STK3: variants seen among roughly 807,000 people sequenced by gnomAD.
STK3 encodes the protein serine/threonine kinase 3, also known as serine/threonine-protein kinase 3.
Under a neutral mutation model 58.0 loss-of-function variants are expected in STK3, and 41 were observed. The ratio of observed to expected loss-of-function variants is 0.71; its 90% CI spans 0.55 to 0.92. The LOEUF (loss-of-function observed/expected upper bound fraction) is 0.92. Ranked by LOEUF, STK3 falls within the 40% of genes least tolerant of loss-of-function variation. The pLI is 0.00. For missense variants in STK3, 479 were observed against 602.7 expected, an observed-to-expected ratio of 0.79 and a Z score of 2.15; for synonymous variants, 170 against 191.0, an observed-to-expected ratio of 0.89 and a Z score of 0.91.
intron 3 of STK3, among the ~76,000 whole-genome samples, chr8:98,421,696 A>T (rs796256012): frequency 1.3e-5 from 2 of 152,202 alleles, no homozygotes; most frequent in African/African-American, 4.8e-5. Context: ...GAATTGCTTG[A>T]ACCCGGGAGG....
chr8:98,581,841 T>C (rs1016614530), intron 7 of STK3, among the ~76,000 whole-genome samples: 3 of 151,998 alleles, frequency 2.0e-5, no homozygotes, highest in Non-Finnish European at 4.4e-5. Flanking sequence ...AGAGTCTTTT[T>C]ATGCTTGTTT....
chr8:98,820,152 T>C (rs1834795598), intron 1 of STK3, among the ~76,000 whole-genome samples: 1 of 152,218 alleles, frequency 6.6e-6, no homozygotes, highest in Non-Finnish European at 1.5e-5. Context: ...ATGAAATTAG[T>C]GTTTTCTAGC....
chr8:98,665,396 TTTTG>T (rs771786840), intron 6 of STK3, among the ~76,000 whole-genome samples: 11 of 152,206 alleles, frequency 7.2e-5, no homozygotes, highest in East Asian at 3.9e-4. Flanking sequence ...CAAGGTTTCT[TTTTG>T]TTTGTTTGTT....
rs115545943 is a variant in STK3, at chr8:98,863,227, G to A, written c.110+20420C>T. 1.2e-3 allele frequency among the ~76,000 whole-genome samples: 187 copies of A among 152,306 alleles called. 1 individual carries two copies. The highest frequency in any genetic ancestry group is 4.2e-3 in the African/African-American group (176 of 41,570). On this transcript the variant is annotated intron_variant, in intron 3 of 12. Transcript: ENST00000523601. ...CAGCTCTTGTCTTTGTGAAAATAGT[G>A]AGACTGGTGTTATCATTGATAAGAG...
At chr8:98,795,101 A>T (rs1159195339) in intron 1 of STK3, among the ~76,000 whole-genome samples, 2 of 42,488 alleles carry the variant, frequency 4.7e-5, no homozygotes, top group African/African-American at 1.8e-4. Context: ...AAAAAAAAAA[A>T]AAATATATAT....
chr8:98,527,979 T>A (rs1011431258), intron 9 of STK3, among the ~76,000 whole-genome samples: 3 of 152,224 alleles, frequency 2.0e-5, no homozygotes, highest in African/African-American at 7.2e-5. Flanking sequence ...CCTTATTTAC[T>A]CAATCCCCAA....
At chr8:98,860,556 G>A (rs180979238) in intron 3 of STK3, among the ~76,000 whole-genome samples, 19 of 152,278 alleles carry the variant, frequency 1.2e-4, no homozygotes, top group Non-Finnish European at 2.2e-4. Flanking sequence ...AACCCTCATA[G>A]CCCAACAGAA....
In STK3 at chr8:98,707,188, G is replaced by T; in HGVS notation, c.475C>A (p.His159Asn). 1 of 1,608,598 alleles carries T rather than the reference G, an allele frequency of 6.2e-7. No homozygotes were observed. The highest frequency in any genetic ancestry group is 1.1e-5 in the South Asian group (1 of 88,504). The change falls in exon 5 of 11, where the codon CAT becomes AAT. Residue 159 changes from histidine to asparagine, a missense_variant. By Grantham distance (68) the His-to-Asn change is moderately conservative (BLOSUM62 1). Around this residue, in one of 3 missense-constraint regions of STK3, gnomAD observed 126 missense variants for 210.1 expected, o/e 0.60. Transcript: ENST00000419617. ...AGNILLNTEGHAKLADFGVAG... is the reference protein window; with the variant it reads ...AGNILLNTEGNAKLADFGVAG... Reference sequence around the variant, plus strand: ...ACTCCAAAATCTGCCAATTTTGCATGTCCTTCTGTATTGAGGAGAATATTT... The same window carrying T: ...ACTCCAAAATCTGCCAATTTTGCATTTCCTTCTGTATTGAGGAGAATATTT...
intron 3 of STK3, among the ~76,000 whole-genome samples, chr8:98,407,347 A>G (rs1015115935): frequency 6.6e-6 from 1 of 152,154 alleles, no homozygotes; most frequent in Non-Finnish European, 1.5e-5. Context: ...TCAAATAGAG[A>G]GTGTTCCAGG....
intron 6 of STK3, among the ~76,000 whole-genome samples, chr8:98,632,748 A>G (rs1819353753): frequency 6.6e-6 from 1 of 152,232 alleles, no homozygotes; most frequent in African/African-American, 2.4e-5. Flanking sequence ...AAAGCAATTT[A>G]TAACACCAGT....
At chr8:98,824,907 G>A (rs1214820490) in intron 1 of STK3, among the ~76,000 whole-genome samples, 6 of 152,186 alleles carry the variant, frequency 3.9e-5, no homozygotes, top group Non-Finnish European at 7.3e-5. Context: ...TACATATTAT[G>A]AACTTCTGTC....
intron 3 of STK3, among the ~76,000 whole-genome samples, chr8:98,847,938 T>C (rs1836274154): frequency 6.6e-6 from 1 of 152,154 alleles, no homozygotes; most frequent in South Asian, 2.1e-4. Context: ...GATATCTTGC[T>C]GGTTACAGAC....
chr8:98,744,136 A>C (rs201996477), intron 4 of STK3, among the ~76,000 whole-genome samples: 63 of 152,294 alleles, frequency 4.1e-4, no homozygotes, highest in Non-Finnish European at 6.6e-4. Flanking sequence ...GTTGATGGGA[A>C]TGTAAACTAG....
chr8:98,641,926 G>A (rs1820052989), intron 6 of STK3, among the ~76,000 whole-genome samples: 2 of 152,114 alleles, frequency 1.3e-5, no homozygotes, highest in Non-Finnish European at 2.9e-5. Context: ...GGTAAATCAA[G>A]GTGCTGCTTT....
chr8:98,749,150 T>C, intron 4 of STK3, 126 bp downstream of exon 4: 2 of 636,822 alleles, frequency 3.1e-6, no homozygotes, highest in Non-Finnish European at 5.3e-6. Context: ...CTAGATATCT[T>C]TACACCACTT....
intron 3 of STK3, among the ~76,000 whole-genome samples, chr8:98,424,713 G>T (rs1244767005): frequency 6.6e-6 from 1 of 152,232 alleles, no homozygotes; most frequent in African/African-American, 2.4e-5. Context: ...AGGGAGGAAA[G>T]CCCTGGAGGA....
At chr8:98,478,115 A>G (rs576818728) in intron 10 of STK3, among the ~76,000 whole-genome samples, 17 of 152,310 alleles carry the variant, frequency 1.1e-4, no homozygotes, top group Middle Eastern at 6.8e-3. Flanking sequence ...CTTTGTGAAC[A>G]TGACTCAATG....
chr8:98,559,682 C>T (rs1239152000), intron 8 of STK3, among the ~76,000 whole-genome samples: 1 of 152,076 alleles, frequency 6.6e-6, no homozygotes, highest in Non-Finnish European at 1.5e-5. Context: ...ATGGACATCG[C>T]AAATTAAATA....
chr8:98,465,603 T>C (rs534195326), intron 10 of STK3, among the ~76,000 whole-genome samples: 2 of 152,338 alleles, frequency 1.3e-5, no homozygotes, highest in Non-Finnish European at 2.9e-5. Flanking sequence ...CCCTTTGGGA[T>C]AGATTTCCTA....
Sources: gnomAD v4.1 joint callset for allele counts (sites outside exome capture counted in the v4.1 genomes callset) on GRCh38, gnomAD v4.1.1 for gene constraint, gnomAD v4.1.1 regional missense constraint, MANE v1.5 for transcripts, NCBI Gene and HGNC (gene_info 2026-07-23, HGNC 2026-07-21) for gene names.